ACE: variants seen among roughly 807,000 people sequenced by gnomAD.
ACE encodes angiotensin-converting enzyme.
ACE carries 122 observed loss-of-function variants against 162.3 expected under a neutral mutation model. The observed-to-expected ratio is 0.75, with a 90% CI of 0.65 to 0.87. The LOEUF (loss-of-function observed/expected upper bound fraction) is 0.87. Ranked by LOEUF, ACE falls within the 40% of genes least tolerant of loss-of-function variation. ACE has a pLI of 0.00. For missense variants in ACE, 1,799 were observed against 1,735.1 expected (o/e 1.04, Z -0.65); for synonymous variants, 796 against 720.6 (o/e 1.10, Z -1.68).
Position 63,486,996 on chromosome 17 carries a change from TC to T in ACE, c.2230del (p.Leu744CysfsTer27), listed in dbSNP as rs745767649. ...TCCTTCCTCCTGCAGTACAACAAGA[TC>T]CTGTTGGATATGGAAACCACCTACA... ...PAQELEEYNK[I>X]LLDMETTYSV... On this transcript the variant is annotated frameshift_variant, in exon 15 of 25. Coordinates refer to ENST00000290866, the MANE Select transcript of ACE (RefSeq NM_000789.4). LOFTEE classifies it high-confidence loss of function. The T allele has an allele frequency of 1.9e-6, 3 of 1,613,562 alleles. No homozygotes were observed. The highest frequency in any genetic ancestry group is 2.5e-6 in the Non-Finnish European group (3 of 1,179,828).
intron 3 of ACE, 23 bp from the exon 4 acceptor site, chr17:63,479,746 G>T: frequency 6.2e-7 from 1 of 1,612,562 alleles, no homozygotes; most frequent in South Asian, 1.1e-5. Context: ...CCTCCTCACC[G>T]ACCCTGCCTG....
At chr17:63,493,252 C>T (rs1402855720) in intron 19 of ACE, among the ~76,000 whole-genome samples, 184 bp from the exon 20 acceptor site, 1 of 152,142 alleles carries the variant, frequency 6.6e-6, no homozygotes, top group Non-Finnish European at 1.5e-5. Context: ...GGGGCTTCTG[C>T]CCCCAGATTC....
chr17:63,478,980 G>T, intron 2 of ACE, 27 bp from the exon 3 acceptor site: 1 of 1,595,618 alleles, frequency 6.3e-7, no homozygotes, highest in South Asian at 1.1e-5. Flanking sequence ...CTGGTCACTG[G>T]AGCATTCCTC....
At chr17:63,480,165 C>T (rs548915400) in intron 4 of ACE, among the ~76,000 whole-genome samples, 172 bp from the exon 5 acceptor site, 55 of 152,218 alleles carry the variant, frequency 3.6e-4, no homozygotes, top group Non-Finnish European at 7.9e-4. Context: ...CCTCCAGGAT[C>T]TGTTTAGCTG....
chr17:63,494,238 C>A, intron 21 of ACE, 134 bp from the exon 22 acceptor site: 1 of 1,254,622 alleles, frequency 8.0e-7, no homozygotes, highest in Non-Finnish European at 1.1e-6. Flanking sequence ...TGATTGTGCA[C>A]AGAGGCCCAG....
At position 63,484,832 on chromosome 17, in the gene ACE, G is replaced by A. The variant is rs1339064740; in HGVS notation, c.1921+291G>A. 2 of 1,539,476 alleles carry A rather than the reference G, an allele frequency of 1.3e-6. No homozygotes were observed. The highest frequency in any genetic ancestry group is 2.4e-5 in the East Asian group (1 of 41,406). ...TGCGGGCTCCGCTCTTATTGGCCAG[G>A]GGACGGTAGCTGCAGGACTCTGCTC... is the stretch of plus-strand genomic sequence containing the variant. On this transcript the variant is annotated intron_variant, in intron 12 of 24. Coordinates refer to ENST00000290866, the MANE Select transcript of ACE (RefSeq NM_000789.4). This position sits in a 1 kb window ranked among gnomAD's most constrained non-coding sequence, Gnocchi z 4.0.
intron 19 of ACE, 30 bp from the exon 20 acceptor site, chr17:63,493,406 A>G (rs759633971): frequency 3.5e-5 from 57 of 1,608,574 alleles, no homozygotes; most frequent in Non-Finnish European, 4.8e-5. Context: ...TCCTCTCCCA[A>G]CACCCTCTCC....
chr17:63,480,226 A>G, intron 4 of ACE, 111 bp from the exon 5 acceptor site: 2 of 1,209,574 alleles, frequency 1.7e-6, no homozygotes, highest in South Asian at 1.3e-5. Context: ...CCAATTTTCC[A>G]GCTAGCTGCA....
intron 23 of ACE, 122 bp downstream of exon 23, chr17:63,496,638 G>A: frequency 6.3e-7 from 1 of 1,585,982 alleles, no homozygotes; most frequent in South Asian, 1.1e-5. Context: ...ACTCCCACCT[G>A]CAGCGTGGGC....
intron 17 of ACE, 65 bp from the exon 18 acceptor site, chr17:63,490,889 G>A: frequency 2.0e-6 from 3 of 1,471,906 alleles, no homozygotes; most frequent in Non-Finnish European, 2.9e-6. Flanking sequence ...CTTCCTGCAG[G>A]AGGGCATTGA....
At chr17:63,481,412 G>C (rs1171828058) in intron 6 of ACE, among the ~76,000 whole-genome samples, 154 bp from the exon 7 acceptor site, 1 of 152,184 alleles carries the variant, frequency 6.6e-6, no homozygotes, top group African/African-American at 2.4e-5. Context: ...TCACTCATCT[G>C]CTGTGGGAGT....
At position 63,478,027 on chromosome 17, in the gene ACE, C is replaced by G. The variant is rs747960753; in HGVS notation, c.346C>G (p.Gln116Glu). ...EPIWQNFTDP[Q>E]LRRIIGAVRT... ...GATCTGGCAGAACTTCACGGACCCG[C>G]AGCTGCGCAGGATCATCGGAGCTGT... Residue 116 changes from glutamine to glutamate, a missense_variant, in exon 2 of 25, where the codon CAG becomes GAG. Physicochemically the swap from Gln to Glu is conservative, Grantham distance 29 (BLOSUM62 2). Coordinates refer to ENST00000290866, the MANE Select transcript of ACE (RefSeq NM_000789.4). 1 of 1,609,010 alleles carries G rather than the reference C, an allele frequency of 6.2e-7. No individual in the cohort carries two copies. The highest frequency in any genetic ancestry group is 8.5e-7 in the Non-Finnish European group (1 of 1,178,046).
intron 10 of ACE, 114 bp downstream of exon 10, chr17:63,483,672 C>G: frequency 7.2e-7 from 1 of 1,398,206 alleles, no homozygotes; most frequent in Non-Finnish European, 1.0e-6. Context: ...TCCTCCAGAC[C>G]TCAAAGGCCT....
rs761109507 is a variant in ACE at position 63,488,923 on chromosome 17, G to C, written c.2450-18G>C. 1 of 1,613,978 alleles carries C rather than the reference G, an allele frequency of 6.2e-7. No homozygotes were observed. The highest frequency in any genetic ancestry group is 8.5e-7 in the Non-Finnish European group (1 of 1,180,020). On this transcript the variant is annotated intron_variant, in intron 16 of 24. Coordinates refer to ENST00000290866, the MANE Select transcript of ACE (RefSeq NM_000789.4). ...GGTAATGTGGTGTTGGGAGAGCCTG[G>C]CTGTGTCCCCTCTGTAGGCTATGTA...
intron 13 of ACE, 163 bp from the exon 14 acceptor site, chr17:63,486,394 T>C (rs1568041217): frequency 5.3e-6 from 4 of 756,840 alleles, no homozygotes; most frequent in Non-Finnish European, 6.8e-6. Flanking sequence ...TCCAGGACGT[T>C]ATCAGCGTCC....
rs1292602898 is a variant in ACE, at chr17:63,494,043, T to C, written c.3258T>C (p.Tyr1086=). The part of the protein sequence containing the change: ...VFDGSITKEN[Y]NQEWWSLRLK... ...ATGGAAGCATCACCAAGGAGAACTA[T>C]AACCAGGAGTGGTGGAGCCTCAGGT... is the stretch of plus-strand genomic sequence containing the variant. Residue 1086 remains tyrosine, a synonymous_variant, in exon 21 of 25, where the codon TAT becomes TAC. Transcript: ENST00000290866. 5 of 1,614,112 alleles carry C rather than the reference T, an allele frequency of 3.1e-6. No homozygotes were observed. The highest frequency in any genetic ancestry group is 1.1e-5 in the South Asian group (1 of 91,084).
Position 63,480,396 on chromosome 17 carries a change from G to T in ACE, c.715G>T (p.Asp239Tyr), listed in dbSNP as rs77294580. ...GTACAACTCCCCCACCTTCGAGGAC[G>T]ATCTGGAACACCTCTACCAACAGCT... ...SWYNSPTFED[D>Y]LEHLYQQLEP... Residue 239 changes from aspartate to tyrosine, a missense_variant, in exon 5 of 25, where the codon GAT (aspartate) becomes TAT (tyrosine). Coordinates refer to ENST00000290866, the MANE Select transcript of ACE (RefSeq NM_000789.4). 3.1e-6 allele frequency: 5 copies of T among 1,614,094 alleles called. No homozygotes were observed. The highest frequency in any genetic ancestry group is 1.3e-5 in the African/African-American group (1 of 75,038).
At chr17:63,477,741 A>C in intron 1 of ACE, 190 bp from the exon 2 acceptor site, 1 of 671,282 alleles carries the variant, frequency 1.5e-6, no homozygotes, top group Non-Finnish European at 2.5e-6. Context: ...CACCATTCCC[A>C]TGAGGCAGAT....
At position 63,498,095 on chromosome 17, in the gene ACE, TCTG is replaced by T. The variant is rs2030888683; in HGVS notation, c.*732_*734del. The stretch of plus-strand genomic sequence containing the variant: ...CTCCTGCCTGTACCAGCTCCATGAC[TCTG>T]CTCGGGTGAACAGCCTTGGCTCTCA... On this transcript the variant is annotated 3_prime_UTR_variant, in exon 25 of 25. Coordinates refer to ENST00000290866, the MANE Select transcript of ACE (RefSeq NM_000789.4). 6.5e-6 allele frequency: 1 copy of T among 154,902 alleles called. No individual in the cohort carries two copies. The highest frequency in any genetic ancestry group is 1.4e-5 in the Non-Finnish European group (1 of 70,234). 9.6% of individuals were successfully genotyped at this position (154,902 alleles called of 1,614,324 possible).
Sources: gnomAD v4.1 joint callset for allele counts (sites outside exome capture counted in the v4.1 genomes callset) on GRCh38, gnomAD v4.1.1 for gene constraint, Gnocchi (gnomAD v3.1) non-coding constraint, MANE v1.5 for transcripts, NCBI Gene and HGNC (gene_info 2026-07-23, HGNC 2026-07-21) for gene names.